The following ITGBL1 variants were observed in gnomAD, a reference collection of about 807,000 sequenced individuals.
ITGBL1 encodes the protein integrin subunit beta like 1.
In ITGBL1, 51 loss-of-function variants were observed where a neutral mutation model predicts 68.5. That is an observed-to-expected ratio of 0.74 (90% CI 0.59 to 0.94). The LOEUF (loss-of-function observed/expected upper bound fraction) is 0.94, where lower values mean the gene tolerates loss of function less well. ITGBL1 is among the 40% of genes least tolerant of loss of function. The pLI is 0.00. For synonymous variants in ITGBL1, 209 were observed against 227.3 expected (o/e 0.92, Z 0.72); for missense variants, 649 against 647.4 (o/e 1.00, Z -0.03).
intron 6 of ITGBL1, 139 bp downstream of exon 6, chr13:101,583,495 T>C: frequency 1.7e-6 from 1 of 585,932 alleles, no homozygotes; most frequent in Non-Finnish European, 2.8e-6. Flanking sequence ...AGTCAATAAC[T>C]TAATTGTACA....
At chr13:101,668,980 A>G (rs1413310639) in intron 7 of ITGBL1, among the ~76,000 whole-genome samples, 1 of 152,190 alleles carries the variant, frequency 6.6e-6, no homozygotes, top group Non-Finnish European at 1.5e-5. Flanking sequence ...AGCTGTTGCT[A>G]TATGACAAAT....
intron 2 of ITGBL1, among the ~76,000 whole-genome samples, chr13:101,460,852 C>T (rs1219977228): frequency 1.3e-5 from 2 of 152,138 alleles, no homozygotes; most frequent in Admixed American, 6.5e-5. Flanking sequence ...ATAGAGAACT[C>T]ACTCATGACC....
intron 2 of ITGBL1, among the ~76,000 whole-genome samples, chr13:101,528,207 TTCTG>T (rs536690701): frequency 4.0e-5 from 6 of 151,732 alleles, no homozygotes; most frequent in South Asian, 4.1e-4. Context: ...GTTTTTATAT[TTCTG>T]TCTTTCAGTG....
chr13:101,604,342 A>C (rs1448873967), intron 7 of ITGBL1, among the ~76,000 whole-genome samples: 1 of 151,906 alleles, frequency 6.6e-6, no homozygotes, highest in Non-Finnish European at 1.5e-5. Flanking sequence ...ACCATTTTTT[A>C]AGCAATAGAG....
rs539731220 is a variant in ITGBL1 at position 101,628,010 on chromosome 13, G to A, written c.1015+29711G>A. On this transcript the variant is annotated intron_variant, in intron 7 of 10. Coordinates refer to ENST00000376180, the MANE Select transcript of ITGBL1 (RefSeq NM_004791.3). The stretch of plus-strand genomic sequence containing the variant: ...TCATATAGTATGTTTAGTTCAGTAA[G>A]AAACTGCTGAACTGTCTTCCAAAGA... Among the ~76,000 whole-genome samples, 5 of 152,282 alleles carry A rather than the reference G, an allele frequency of 3.3e-5. No homozygotes were observed. The South Asian group carries it at 1.0e-3, about 32-fold the overall frequency.
chr13:101,653,479 ATCAACAAAAGTCAG>A (rs2032817791), intron 7 of ITGBL1, among the ~76,000 whole-genome samples: 1 of 152,076 alleles, frequency 6.6e-6, no homozygotes, highest in South Asian at 2.1e-4. Flanking sequence ...ACCAAAATCA[ATCAACAAAAGTCAG>A]TCAACAAATA....
chr13:101,623,621 C>T (rs1211528277), intron 7 of ITGBL1, among the ~76,000 whole-genome samples: 1 of 152,174 alleles, frequency 6.6e-6, no homozygotes, highest in Admixed American at 6.5e-5. Flanking sequence ...TGACTTTCAT[C>T]TGAGGACAGG....
At chr13:101,490,076 G>A in intron 2 of ITGBL1, 1 of 904,848 alleles carries the variant, frequency 1.1e-6, no homozygotes, top group South Asian at 1.5e-5. Flanking sequence ...AAAATTCTGT[G>A]TTGAAATTCT....
At position 101,460,584 on chromosome 13, in the gene ITGBL1, G is replaced by A. The variant is rs73566546; in HGVS notation, c.316+6484G>A. Among the ~76,000 whole-genome samples the A allele has an allele frequency of 2.8e-3, 425 of 152,338 alleles. 3 individuals carry two copies. Among genetic ancestry groups the A allele is most frequent in the African/African-American group, 9.6e-3 (400 of 41,580 alleles). Reference sequence around the variant, plus strand: ...TGCTTTATTTGGACAGGGCTCTGCAGCTCTACCATGGTTTCTTAGTCTGTT... The same window carrying A: ...TGCTTTATTTGGACAGGGCTCTGCAACTCTACCATGGTTTCTTAGTCTGTT... On this transcript the variant is annotated intron_variant, in intron 2 of 10. Transcript: ENST00000376180.
chr13:101,555,761 A>G (rs543012544), intron 2 of ITGBL1, among the ~76,000 whole-genome samples: 26 of 152,114 alleles, frequency 1.7e-4, no homozygotes, highest in East Asian at 5.8e-4. Flanking sequence ...TCTGGCTCCA[A>G]TTGGTTTTGA....
chr13:101,499,333 A>T (rs1459878593), intron 2 of ITGBL1, among the ~76,000 whole-genome samples: 1 of 152,148 alleles, frequency 6.6e-6, no homozygotes, highest in African/African-American at 2.4e-5. Flanking sequence ...ACTTTTCTTT[A>T]ATTCTGTCAA....
chr13:101,579,460 G>T, intron 5 of ITGBL1, 33 bp downstream of exon 5: 2 of 1,600,782 alleles, frequency 1.2e-6, no homozygotes, highest in Non-Finnish European at 1.7e-6. Flanking sequence ...TACATAATGG[G>T]GAGGCAAACA....
intron 2 of ITGBL1, among the ~76,000 whole-genome samples, chr13:101,464,699 A>G (rs754221395): frequency 3.3e-4 from 51 of 152,322 alleles, no homozygotes; most frequent in Admixed American, 1.2e-3. Context: ...GTATACATAC[A>G]TATTTGATAC....
chr13:101,580,967 A>G (rs2050447683), intron 5 of ITGBL1, among the ~76,000 whole-genome samples: 1 of 152,182 alleles, frequency 6.6e-6, no homozygotes, highest in Non-Finnish European at 1.5e-5. Context: ...TCTGAGATTC[A>G]GGGGTACTTG....
intron 2 of ITGBL1, among the ~76,000 whole-genome samples, chr13:101,548,548 ATTAAG>A (rs1319989049): frequency 1.3e-5 from 2 of 151,856 alleles, no homozygotes; most frequent in African/African-American, 2.4e-5. Context: ...AAAAAGCAGC[ATTAAG>A]TTTAGTGCAT....
chr13:101,655,104 A>T (rs1594957875), intron 7 of ITGBL1, among the ~76,000 whole-genome samples: 1 of 152,172 alleles, frequency 6.6e-6, no homozygotes, highest in African/African-American at 2.4e-5. Context: ...TCTGAAGATG[A>T]CTGAGGTGAA....
chr13:101,650,823 T>C (rs1237309742), intron 7 of ITGBL1, among the ~76,000 whole-genome samples: 5 of 152,100 alleles, frequency 3.3e-5, no homozygotes, highest in Non-Finnish European at 7.4e-5. Flanking sequence ...CCAGTGTGTG[T>C]TCTGCTCCCC....
chr13:101,477,680 T>C (rs1258226818), intron 2 of ITGBL1, among the ~76,000 whole-genome samples: 1 of 152,032 alleles, frequency 6.6e-6, no homozygotes, highest in Non-Finnish European at 1.5e-5. Context: ...CATTTGTGAC[T>C]ACTATGAACA....
intron 2 of ITGBL1, among the ~76,000 whole-genome samples, chr13:101,503,364 T>C (rs1295407735): frequency 6.6e-6 from 1 of 152,106 alleles, no homozygotes. Context: ...ACAGAAGGCA[T>C]TGCTGAACCT....
Sources: allele counts gnomAD v4.1 joint callset (sites outside exome capture counted in the v4.1 genomes callset), GRCh38; gene constraint gnomAD v4.1.1; transcripts MANE v1.5; gene names NCBI Gene and HGNC (gene_info 2026-07-23, HGNC 2026-07-21).